The following IFNG-AS1 variants were observed in gnomAD, a reference collection of about 807,000 sequenced individuals.
IFNG-AS1 encodes the protein IFNG regulatory antisense RNA 1.
intron 2 of IFNG-AS1, among the ~76,000 whole-genome samples, chr12:68,004,053 T>C (rs1283912564): frequency 1.3e-5 from 2 of 152,100 alleles, no homozygotes; most frequent in South Asian, 2.1e-4. Context: ...GGGATCTGGA[T>C]TGCAGTTGAA....
At chr12:68,001,438 G>A (rs1303904503) in intron 2 of IFNG-AS1, 3 of 236,810 alleles carry the variant, frequency 1.3e-5, no homozygotes, top group South Asian at 6.5e-5. Flanking sequence ...TCTTGGAGTC[G>A]TAGGTGCTCT....
At chr12:68,016,762 T>G (rs1173218611) in intron 3 of IFNG-AS1, among the ~76,000 whole-genome samples, 1 of 152,172 alleles carries the variant, frequency 6.6e-6, no homozygotes, top group Admixed American at 6.5e-5. Context: ...TGAAATCAGC[T>G]GAGCAAATAT....
intron 3 of IFNG-AS1, among the ~76,000 whole-genome samples, chr12:68,016,246 A>G (rs893431244): frequency 6.6e-6 from 1 of 152,182 alleles, no homozygotes; most frequent in African/African-American, 2.4e-5. Flanking sequence ...CCGTGGAGTC[A>G]TGCTCCACAT....
chr12:67,993,236 C>G (rs2120411384), intron 1 of IFNG-AS1, among the ~76,000 whole-genome samples: 1 of 152,222 alleles, frequency 6.6e-6, no homozygotes, highest in South Asian at 2.1e-4. Context: ...AGAAAATCAC[C>G]CTCTGTTTTT....
chr12:67,997,700 A>G (rs1219640397), intron 2 of IFNG-AS1, among the ~76,000 whole-genome samples: 1 of 151,812 alleles, frequency 6.6e-6, no homozygotes, highest in Non-Finnish European at 1.5e-5. Flanking sequence ...ACCATAAACA[A>G]AGTCAAACAA....
intron 2 of IFNG-AS1, among the ~76,000 whole-genome samples, chr12:67,996,323 G>A (rs1879641425): frequency 6.6e-6 from 1 of 152,172 alleles, no homozygotes; most frequent in Non-Finnish European, 1.5e-5. Context: ...TCTTTATTCT[G>A]ATACAAATGT....
intron 3 of IFNG-AS1, among the ~76,000 whole-genome samples, chr12:68,018,960 T>A (rs1880222288): frequency 6.6e-6 from 1 of 152,070 alleles, no homozygotes; most frequent in Admixed American, 6.5e-5. Context: ...GGAAGCAGAA[T>A]TTGAACTCTC....
intron 1 of IFNG-AS1, among the ~76,000 whole-genome samples, chr12:67,995,191 A>G (rs183191593): frequency 6.6e-6 from 1 of 152,112 alleles, no homozygotes; most frequent in Non-Finnish European, 1.5e-5. Flanking sequence ...TGGGAGGCCA[A>G]GGTGGGAGAT....
At chr12:68,020,773 C>T (rs574232354) in intron 4 of IFNG-AS1, 102 of 152,160 alleles carry the variant, frequency 6.7e-4, no homozygotes, top group African/African-American at 2.3e-3. Context: ...GGAAAACTCA[C>T]CCATTGAAGT....
intron 2 of IFNG-AS1, among the ~76,000 whole-genome samples, chr12:67,997,578 C>T (rs1041812633): frequency 2.1e-4 from 31 of 150,372 alleles, no homozygotes; most frequent in African/African-American, 4.9e-4. Flanking sequence ...TTCTATTTAA[C>T]GTTGGTATAG....
At chr12:67,994,551 T>G (rs960377969) in intron 1 of IFNG-AS1, among the ~76,000 whole-genome samples, 1 of 152,200 alleles carries the variant, frequency 6.6e-6, no homozygotes, top group Non-Finnish European at 1.5e-5. Flanking sequence ...TACAATTACC[T>G]AAAACTAGGG....
chr12:67,990,809 G>A (rs1045901711), intron 1 of IFNG-AS1, among the ~76,000 whole-genome samples: 7 of 152,014 alleles, frequency 4.6e-5, no homozygotes, highest in Non-Finnish European at 8.8e-5. Context: ...GGCCAAGCTG[G>A]TCTCAAACTC....
intron 3 of IFNG-AS1, among the ~76,000 whole-genome samples, chr12:68,014,157 T>C (rs550444831): frequency 1.3e-3 from 202 of 152,356 alleles, no homozygotes; most frequent in Non-Finnish European, 2.2e-3. Flanking sequence ...TCCATCATAA[T>C]GTATACCACA....
At chr12:68,010,777 G>A (rs548112577) in intron 3 of IFNG-AS1, among the ~76,000 whole-genome samples, 46 of 152,224 alleles carry the variant, frequency 3.0e-4, no homozygotes, top group Middle Eastern at 3.4e-3. Context: ...AAATGTTTGG[G>A]ATACCCTTCA....
Position 67,997,775 on chromosome 12 carries a change from A to C in IFNG-AS1, n.184+1702A>C, listed in dbSNP as rs183742253. ...CTATAATAAAGTATATATTCTGCTA[A>C]TATATTAAAAACTCCTAAAATTGAA... is the stretch of plus-strand genomic sequence containing the variant. On this transcript the variant is annotated intron_variant and non_coding_transcript_variant, in intron 2 of 5. Transcript: ENST00000536914. Among the ~76,000 whole-genome samples the C allele has an allele frequency of 3.9e-5, 6 of 152,078 alleles. No individual in the cohort carries two copies. In the East Asian group the frequency reaches 1.2e-3, roughly 29 times the overall value.
chr12:67,998,390 A>G (rs1369482539), intron 2 of IFNG-AS1, among the ~76,000 whole-genome samples: 1 of 151,850 alleles, frequency 6.6e-6, no homozygotes, highest in Non-Finnish European at 1.5e-5. Flanking sequence ...AAAAAGACAA[A>G]GTGCAAAAGA....
rs34141511 is a variant in IFNG-AS1, at chr12:67,995,419, C to CAAAA, written n.52-505_52-502dup. Among the ~76,000 whole-genome samples the CAAAA allele has an allele frequency of 6.5e-4, 51 of 78,608 alleles. 1 individual carries two copies. Among genetic ancestry groups the CAAAA allele is most frequent in the Non-Finnish European group, 1.0e-3 (45 of 45,208 alleles). The allele number at this position is 78,608 out of a possible 152,430, so 51.6% of individuals were successfully genotyped here. On this transcript the variant is annotated intron_variant and non_coding_transcript_variant, in intron 1 of 5. Transcript: ENST00000536914. Reference sequence around the variant, plus strand: ...CTGGTGACAGAGTGAGACTCCATTTCAAAAAAAAAAAAAAAAAAAAGGGCC... The same window carrying CAAAA: ...CTGGTGACAGAGTGAGACTCCATTTCAAAAAAAAAAAAAAAAAAAAAAAAGGGCC...
chr12:67,998,524 G>A (rs1879694104), intron 2 of IFNG-AS1, among the ~76,000 whole-genome samples: 1 of 151,912 alleles, frequency 6.6e-6, no homozygotes, highest in Non-Finnish European at 1.5e-5. Flanking sequence ...ATAACAGGAA[G>A]GAGTTGGGGT....
intron 3 of IFNG-AS1, among the ~76,000 whole-genome samples, chr12:68,015,307 G>T (rs1285373573): frequency 6.6e-6 from 1 of 152,062 alleles, no homozygotes; most frequent in Non-Finnish European, 1.5e-5. Context: ...CCATAATAAA[G>T]ACATAGCCAG....
Sources: gnomAD v4.1 joint callset for allele counts (sites outside exome capture counted in the v4.1 genomes callset) on GRCh38, gnomAD v4.1.1 for gene constraint, MANE v1.5 for transcripts, NCBI Gene and HGNC (gene_info 2026-07-23, HGNC 2026-07-21) for gene names.